The following ADAMTSL1 variants were observed in gnomAD, a reference collection of about 807,000 sequenced individuals.
ADAMTSL1 encodes ADAMTS like 1.
ADAMTSL1 carries 126 observed loss-of-function variants against 201.8 expected under a neutral mutation model. The observed-to-expected ratio is 0.62, with a 90% CI of 0.54 to 0.72. The LOEUF (loss-of-function observed/expected upper bound fraction) is 0.72, where lower values mean the gene tolerates loss of function less well. Ranked by LOEUF, ADAMTSL1 falls within the 30% of genes least tolerant of loss-of-function variation. ADAMTSL1 has a pLI of 0.00. For synonymous variants in ADAMTSL1, 1,121 were observed against 903.4 expected (o/e 1.24, Z -4.32); for missense variants, 2,679 against 2,277.8 (o/e 1.18, Z -3.59).
At chr9:18,718,409 A>C (rs1014380478) in intron 14 of ADAMTSL1, 19 of 681,576 alleles carry the variant, frequency 2.8e-5, no homozygotes, top group Middle Eastern at 2.5e-4. Context: ...CTTGCTTTCT[A>C]TAAGAATCTT....
At chr9:18,303,753 G>T (rs1012318057) in intron 2 of ADAMTSL1, among the ~76,000 whole-genome samples, 1 of 152,190 alleles carries the variant, frequency 6.6e-6, no homozygotes, top group Non-Finnish European at 1.5e-5. Context: ...ATGAGGAGAA[G>T]GGTGATGGTT....
chr9:18,209,631 A>G (rs1829789872), intron 2 of ADAMTSL1, among the ~76,000 whole-genome samples: 1 of 152,194 alleles, frequency 6.6e-6, no homozygotes, highest in Admixed American at 6.5e-5. Context: ...CAGGTTGATG[A>G]TCTTTAAGAA....
At chr9:18,418,329 G>A (rs1189270373) in intron 2 of ADAMTSL1, among the ~76,000 whole-genome samples, 1 of 152,150 alleles carries the variant, frequency 6.6e-6, no homozygotes, top group Non-Finnish European at 1.5e-5. Flanking sequence ...CAATCTCACT[G>A]CTTCTATTCA....
intron 15 of ADAMTSL1, among the ~76,000 whole-genome samples, chr9:18,743,626 G>A (rs567656967): frequency 9.2e-5 from 14 of 152,134 alleles, no homozygotes; most frequent in Non-Finnish European, 1.9e-4. Context: ...ACCTCACAGC[G>A]TGCAGGCAGA....
intron 2 of ADAMTSL1, among the ~76,000 whole-genome samples, chr9:18,396,961 C>T (rs1442842249): frequency 2.0e-5 from 3 of 151,338 alleles, no homozygotes. Flanking sequence ...TGCACTATGC[C>T]TCTTTATATC....
At position 18,456,268 on chromosome 9, in the gene ADAMTSL1, T is replaced by C. The variant is rs542042578; in HGVS notation, c.208-48561T>C. On this transcript the variant is annotated intron_variant, in intron 2 of 29. Transcript: ENST00000680146. ...ACTCTAGCGAAGGTCTACGTAAGTG[T>C]GCATAAGTGGCCTTGGTCCTTAACA... Among the ~76,000 whole-genome samples, 316 of 152,320 alleles carry C rather than the reference T, an allele frequency of 2.1e-3. 1 individual carries two copies. Among genetic ancestry groups the C allele is most frequent in the African/African-American group, 7.2e-3 (301 of 41,570 alleles).
At chr9:18,505,195 C>G (rs1201334003) in intron 2 of ADAMTSL1, among the ~76,000 whole-genome samples, 1 of 152,150 alleles carries the variant, frequency 6.6e-6, no homozygotes, top group African/African-American at 2.4e-5. Context: ...AATAGAGAAA[C>G]TTATCATCTT....
intron 2 of ADAMTSL1, among the ~76,000 whole-genome samples, chr9:18,322,403 T>A (rs4629974): frequency 0.11 from 16,319 of 152,104 alleles, 963 homozygotes; most frequent in Middle Eastern, 0.14. Flanking sequence ...GAGGCCGAGG[T>A]GGGTGGCTCA....
chr9:18,273,174 G>T (rs1420484308), intron 2 of ADAMTSL1, among the ~76,000 whole-genome samples: 3 of 152,146 alleles, frequency 2.0e-5, no homozygotes, highest in Non-Finnish European at 4.4e-5. Context: ...CTCCCTCCCA[G>T]GTTCAAGTGA....
chr9:18,344,353 C>T (rs1783663663), intron 2 of ADAMTSL1, among the ~76,000 whole-genome samples: 3 of 151,814 alleles, frequency 2.0e-5, no homozygotes, highest in South Asian at 2.1e-4. Context: ...GATGGGATCT[C>T]GTTATGTTGT....
intron 4 of ADAMTSL1, among the ~76,000 whole-genome samples, chr9:18,615,529 C>G (rs1412130428): frequency 6.6e-6 from 1 of 152,060 alleles, no homozygotes; most frequent in African/African-American, 2.4e-5. Context: ...TATAGTATGC[C>G]TTTTCATGGT....
At chr9:18,214,234 A>T (rs1420421194) in intron 2 of ADAMTSL1, among the ~76,000 whole-genome samples, 2 of 152,198 alleles carry the variant, frequency 1.3e-5, no homozygotes, top group African/African-American at 2.4e-5. Flanking sequence ...AATATATTTT[A>T]AAAGTTTTTA....
At chr9:18,511,261 C>T (rs1355301300) in intron 2 of ADAMTSL1, among the ~76,000 whole-genome samples, 40 of 151,710 alleles carry the variant, frequency 2.6e-4, no homozygotes. Flanking sequence ...TAAATTAATA[C>T]TACATTAATA....
chr9:18,591,165 G>C (rs757225796), intron 4 of ADAMTSL1, among the ~76,000 whole-genome samples: 13 of 152,056 alleles, frequency 8.5e-5, no homozygotes, highest in Non-Finnish European at 1.8e-4. Context: ...TCTCCTTTTA[G>C]ATCTGTTAAA....
intron 2 of ADAMTSL1, among the ~76,000 whole-genome samples, chr9:18,289,947 C>G (rs867968544): frequency 3.9e-5 from 6 of 152,140 alleles, no homozygotes; most frequent in Middle Eastern, 6.8e-3. Flanking sequence ...TTTTTTTACC[C>G]TCTGGAGTGT....
intron 2 of ADAMTSL1, among the ~76,000 whole-genome samples, chr9:18,249,080 T>C (rs1328395960): frequency 6.6e-6 from 1 of 152,124 alleles, no homozygotes; most frequent in African/African-American, 2.4e-5. Context: ...CTAGATCCCC[T>C]GGAGGCATCC....
At chr9:18,380,963 C>T (rs921089803) in intron 2 of ADAMTSL1, among the ~76,000 whole-genome samples, 1 of 152,158 alleles carries the variant, frequency 6.6e-6, no homozygotes, top group African/African-American at 2.4e-5. Context: ...GATGGAAAAC[C>T]CCTGTGGGTA....
Position 18,723,204 on chromosome 9 carries a change from A to T in ADAMTSL1, c.2006+1539A>T, listed in dbSNP as rs117030051. ...ATCTGAGATCCCATGACTTGCTCACATGTCCCATGATTCTTTATTTTGTAG... is the reference window on the plus strand; with the variant it reads ...ATCTGAGATCCCATGACTTGCTCACTTGTCCCATGATTCTTTATTTTGTAG... On this transcript the variant is annotated intron_variant, in intron 15 of 28. Transcript: ENST00000380548. The T allele has an allele frequency of 4.4e-4, 300 of 680,392 alleles. 2 individuals are homozygous for T. The East Asian group carries it at 8.1e-3, about 18-fold the overall frequency. The allele number at this position is 680,392 out of a possible 1,614,324, so 42.1% of individuals were successfully genotyped here. A position where few individuals can be genotyped will look rare whatever the true frequency, so the allele number is the denominator to read the frequency against.
At chr9:18,795,299 G>A (rs1822340699) in intron 19 of ADAMTSL1, 98 bp from the exon 20 acceptor site, 2 of 1,497,184 alleles carry the variant, frequency 1.3e-6, no homozygotes, top group South Asian at 1.3e-5. Context: ...ACAGGGTTCT[G>A]CATACACCCT....
Sources: allele counts gnomAD v4.1 joint callset (sites outside exome capture counted in the v4.1 genomes callset), GRCh38; gene constraint gnomAD v4.1.1; transcripts MANE v1.5; gene names NCBI Gene and HGNC (gene_info 2026-07-23, HGNC 2026-07-21).